The following VPS26B variants were observed in gnomAD, a reference collection of about 807,000 sequenced individuals.
The protein encoded by VPS26B is vacuolar protein sorting-associated protein 26B.
A neutral mutation model predicts 33.3 loss-of-function variants in VPS26B; 10 were observed. The ratio of observed to expected loss-of-function variants is 0.30; its 90% CI spans 0.19 to 0.51. The LOEUF (loss-of-function observed/expected upper bound fraction) is 0.51. VPS26B is among the 20% of genes least tolerant of loss of function. The probability of loss-of-function intolerance (pLI) is 0.98; values close to 1 mark genes in which losing one functional copy is unlikely to be tolerated. For missense variants in VPS26B, 317 were observed against 452.7 expected (o/e 0.70, Z 2.72); for synonymous variants, 190 against 176.9 (o/e 1.07, Z -0.59).
Position 134,245,234 on chromosome 11 carries a change from G to C in VPS26B, c.864+154G>C, listed in dbSNP as rs1938791988. Among the ~76,000 whole-genome samples the C allele has an allele frequency of 6.6e-6, 1 of 152,230 alleles. No individual in the cohort carries two copies. The highest frequency in any genetic ancestry group is 1.9e-4 in the East Asian group (1 of 5,196). The stretch of plus-strand genomic sequence containing the variant: ...GAATGAGGATTCTCACCTGGCCTTA[G>C]AGTCTGCTTCCTCGGGCCTTCTCCT... On this transcript the variant is annotated intron_variant, in intron 5 of 5. Transcript: ENST00000281187. The surrounding 1 kb of genome is among the most constrained non-coding windows in gnomAD (Gnocchi z 4.7).
rs1938694737 is a variant in VPS26B, at chr11:134,240,131, T to C, written c.521T>C (p.Ile174Thr). 2 of 1,614,094 alleles carry C rather than the reference T, an allele frequency of 1.2e-6. No individual in the cohort carries two copies. The highest frequency in any genetic ancestry group is 2.7e-5 in the African/African-American group (2 of 74,926). Residue 174 changes from isoleucine (I) to threonine (T), a missense_variant, in exon 3 of 6, where the codon ATT becomes ACT. Physicochemically the swap from Ile to Thr is moderately conservative, Grantham distance 89. Coordinates refer to ENST00000281187, the MANE Select transcript of VPS26B (RefSeq NM_052875.5). The surrounding 1 kb of genome is among the most constrained non-coding windows in gnomAD (Gnocchi z 4.4). ...GTTGGGATTGAGGACTGTCTGCACA[T>C]TGAATTTGAGTACAATAAATCCAAG... Reference protein sequence around the residue: ...MEVGIEDCLHIEFEYNKSKYH... With the variant: ...MEVGIEDCLHTEFEYNKSKYH...
In VPS26B at chr11:134,225,057, T is replaced by C; in HGVS notation, c.-66T>C. On this transcript the variant is annotated 5_prime_UTR_variant, in exon 1 of 6. Transcript: ENST00000281187. ...ATCGGGCCCTCTGGCCTTCTTTACCTAGGGCAGCCCGCGCCCCGGTGCGAG... is the reference window on the plus strand; with the variant it reads ...ATCGGGCCCTCTGGCCTTCTTTACCCAGGGCAGCCCGCGCCCCGGTGCGAG... The C allele has an allele frequency of 6.7e-7, 1 of 1,485,904 alleles. No homozygotes were observed. The highest frequency in any genetic ancestry group is 1.3e-5 in the South Asian group (1 of 77,734). 92.0% of individuals were successfully genotyped at this position (1,485,904 alleles called of 1,614,324 possible).
intron 2 of VPS26B, among the ~76,000 whole-genome samples, chr11:134,238,081 T>G (rs899068214): frequency 1.3e-5 from 2 of 152,102 alleles, no homozygotes; most frequent in African/African-American, 2.4e-5. Context: ...GCTTCCACAT[T>G]AGAATCATGT....
chr11:134,236,475 A>G (rs1038405140), intron 2 of VPS26B: 1 of 152,212 alleles, frequency 6.6e-6, no homozygotes, highest in Non-Finnish European at 1.5e-5. Flanking sequence ...ATCCAAAAGA[A>G]TGGAAAACAG....
rs1004145113 is a variant in VPS26B at position 134,240,630 on chromosome 11, A to AT, written c.545+484dup. Among the ~76,000 whole-genome samples, 11 of 151,530 alleles carry AT rather than the reference A, an allele frequency of 7.3e-5. No homozygotes were observed. Among genetic ancestry groups the AT allele is most frequent in the African/African-American group, 1.7e-4 (7 of 41,320 alleles). On this transcript the variant is annotated intron_variant, in intron 3 of 5. Transcript: ENST00000281187. The surrounding 1 kb of genome is among the most constrained non-coding windows in gnomAD (Gnocchi z 4.4). ...AATGAATTATAGCAAAGAATATTGG[A>AT]TTTTTTTTTCAAGATGGGGTACAGT...
Position 134,245,253 on chromosome 11 carries a change from T to G in VPS26B, c.864+173T>G, listed in dbSNP as rs1002993165. Among the ~76,000 whole-genome samples the G allele has an allele frequency of 3.9e-5, 6 of 152,192 alleles. No individual in the cohort carries two copies. ...GCCTTAGAGTCTGCTTCCTCGGGCC[T>G]TCTCCTGCAACCACCTGCCCTTTTG... On this transcript the variant is annotated intron_variant, in intron 5 of 5. Transcript: ENST00000281187. The surrounding 1 kb of genome is among the most constrained non-coding windows in gnomAD (Gnocchi z 4.7).
chr11:134,225,606 G>A (rs1254755017), intron 1 of VPS26B, among the ~76,000 whole-genome samples: 2 of 152,248 alleles, frequency 1.3e-5, no homozygotes, highest in East Asian at 1.9e-4. Flanking sequence ...CGTGGGATGG[G>A]CACCTTGCCT....
chr11:134,245,651 G>T lies in VPS26B; in HGVS notation c.*61G>T. On this transcript the variant is annotated 3_prime_UTR_variant, in exon 6 of 6. Transcript: ENST00000281187. The surrounding 1 kb of genome is among the most constrained non-coding windows in gnomAD (Gnocchi z 4.7). Reference sequence around the variant, plus strand: ...AGCACCCCCATCTACCAACACCAGCGGCTGGGGGCGGGGGCGGACCTTGTG... The same window carrying T: ...AGCACCCCCATCTACCAACACCAGCTGCTGGGGGCGGGGGCGGACCTTGTG... 6.5e-7 allele frequency: 1 copy of T among 1,528,408 alleles called. No individual in the cohort carries two copies. 94.7% of individuals were successfully genotyped at this position (1,528,408 alleles called of 1,614,324 possible).
At chr11:134,242,591 G>A (rs1036213926) in intron 3 of VPS26B, among the ~76,000 whole-genome samples, 4 of 152,234 alleles carry the variant, frequency 2.6e-5, no homozygotes, top group African/African-American at 9.6e-5. Flanking sequence ...ACAAGGCCAG[G>A]CCAGCGGAGC....
In VPS26B at chr11:134,240,562, A is replaced by T. The variant is rs140727781; in HGVS notation, c.545+407A>T. ...GTGTCTTCAGAAATCAAAGCGACGAAACCAAATATTGGCCATGATTTGCTG... is the reference window on the plus strand; with the variant it reads ...GTGTCTTCAGAAATCAAAGCGACGATACCAAATATTGGCCATGATTTGCTG... On this transcript the variant is annotated intron_variant, in intron 3 of 5. Coordinates refer to ENST00000281187, the MANE Select transcript of VPS26B (RefSeq NM_052875.5). This position sits in a 1 kb window ranked among gnomAD's most constrained non-coding sequence, Gnocchi z 4.4. Among the ~76,000 whole-genome samples, 39 of 152,320 alleles carry T rather than the reference A, an allele frequency of 2.6e-4. No homozygotes were observed. The highest frequency in any genetic ancestry group is 8.7e-4 in the African/African-American group (36 of 41,566).
intron 1 of VPS26B, among the ~76,000 whole-genome samples, chr11:134,225,606 G>C (rs1254755017): frequency 6.6e-6 from 1 of 152,248 alleles, no homozygotes; most frequent in Non-Finnish European, 1.5e-5. Flanking sequence ...CGTGGGATGG[G>C]CACCTTGCCT....
chr11:134,237,749 G>A (rs993717964), intron 2 of VPS26B, among the ~76,000 whole-genome samples: 1 of 152,150 alleles, frequency 6.6e-6, no homozygotes, highest in Non-Finnish European at 1.5e-5. Flanking sequence ...TGCTGGATTT[G>A]GCAGCTGGGA....
chr11:134,233,093 G>A (rs2136047802), intron 1 of VPS26B, among the ~76,000 whole-genome samples: 1 of 152,286 alleles, frequency 6.6e-6, no homozygotes, highest in Non-Finnish European at 1.5e-5. Context: ...TGAAACCACT[G>A]AGTGTTTGGA....
chr11:134,228,475 G>A (rs1938510799), intron 1 of VPS26B, among the ~76,000 whole-genome samples: 1 of 147,156 alleles, frequency 6.8e-6, no homozygotes, highest in Non-Finnish European at 1.5e-5. Flanking sequence ...TAGACAATAT[G>A]TTTCTTATTA....
At chr11:134,231,625 C>G (rs144677550) in intron 1 of VPS26B, among the ~76,000 whole-genome samples, 3,563 of 151,364 alleles carry the variant, frequency 0.024, 122 homozygotes, top group African/African-American at 0.079. Context: ...AGTGCAATGG[C>G]ACAATCTCAG....
At chr11:134,241,394 A>G (rs1238176520) in intron 3 of VPS26B, among the ~76,000 whole-genome samples, 1 of 152,218 alleles carries the variant, frequency 6.6e-6, no homozygotes, top group African/African-American at 2.4e-5. Context: ...CCTGGAACCT[A>G]GAGGGCCCCA....
intron 1 of VPS26B, among the ~76,000 whole-genome samples, chr11:134,231,440 G>A (rs1344321961): frequency 6.6e-6 from 1 of 152,174 alleles, no homozygotes; most frequent in African/African-American, 2.4e-5. Context: ...CCGCTCAGAG[G>A]TGCCAGTGCT....
At chr11:134,243,070 G>T (rs746845699) in intron 3 of VPS26B, 49 bp from the exon 4 acceptor site, 4 of 1,598,914 alleles carry the variant, frequency 2.5e-6, no homozygotes, top group South Asian at 2.2e-5. Flanking sequence ...AAACAGAAAG[G>T]TCTGGCCACA....
rs948723503 is a variant in VPS26B at position 134,247,337 on chromosome 11, C to A, written c.*1747C>A. On this transcript the variant is annotated 3_prime_UTR_variant, in exon 6 of 6. Transcript: ENST00000281187. ...AGAGCATGAGGTCAGGCTCTGTATCCCTCCTTTTCCTAGCTGATATTCTAA... is the reference window on the plus strand; with the variant it reads ...AGAGCATGAGGTCAGGCTCTGTATCACTCCTTTTCCTAGCTGATATTCTAA... The A allele has an allele frequency of 6.6e-6, 1 of 152,142 alleles. No individual in the cohort carries two copies. The highest frequency in any genetic ancestry group is 2.4e-5 in the African/African-American group (1 of 41,424). The allele number at this position is 152,142 out of a possible 1,614,324, so 9.4% of individuals were successfully genotyped here.
Sources: gnomAD v4.1 joint callset for allele counts (sites outside exome capture counted in the v4.1 genomes callset) on GRCh38, gnomAD v4.1.1 for gene constraint, Gnocchi (gnomAD v3.1) non-coding constraint, MANE v1.5 for transcripts, NCBI Gene and HGNC (gene_info 2026-07-23, HGNC 2026-07-21) for gene names.